Variants in LTBP2 observed in about 807,000 individuals in gnomAD.
LTBP2 encodes the protein latent-transforming growth factor beta-binding protein 2.
A neutral mutation model predicts 210.6 loss-of-function variants in LTBP2; 103 were observed. The observed-to-expected ratio is 0.49, with a 90% CI of 0.42 to 0.58. The LOEUF (loss-of-function observed/expected upper bound fraction) is 0.58, where lower values mean the gene tolerates loss of function less well. Among genes scored for constraint, LTBP2 ranks in the 20% least tolerant of loss-of-function variants. LTBP2 has a pLI of 0.00. For missense variants in LTBP2, 2,313 were observed against 2,494.5 expected (o/e 0.93, Z 1.55); for synonymous variants, 1,007 against 1,015.0 (o/e 0.99, Z 0.15).
At chr14:74,510,279 C>T in intron 19 of LTBP2, 66 bp from the exon 20 acceptor site, 5 of 1,601,964 alleles carry the variant, frequency 3.1e-6, no homozygotes, top group Non-Finnish European at 4.2e-6. Context: ...CGCTGGCAGG[C>T]TCCAAGCATC....
chr14:74,527,398 G>A (rs2087287514), intron 12 of LTBP2, 32 bp from the exon 13 acceptor site: 2 of 1,603,370 alleles, frequency 1.2e-6, no homozygotes, highest in South Asian at 1.1e-5. Context: ...GTGAGCTCAG[G>A]GAGGAGGGTC....
chr14:74,601,271 C>T (rs1335473422), intron 2 of LTBP2, among the ~76,000 whole-genome samples: 1 of 152,072 alleles, frequency 6.6e-6, no homozygotes, highest in Non-Finnish European at 1.5e-5. Context: ...AGGGGCTGGG[C>T]GTGGTGGCTC....
chr14:74,500,849 C>A lies in LTBP2; in HGVS notation c.*35G>T. ...AAGGCCCCTGCCTGTGACTGGAGGC[C>A]ATTTCCAGGTAGTTGCCACACTGAC... On this transcript the variant is annotated 3_prime_UTR_variant, in exon 36 of 36. Coordinates refer to ENST00000261978, the MANE Select transcript of LTBP2 (RefSeq NM_000428.3). 6.2e-7 allele frequency: 1 copy of A among 1,613,086 alleles called. No individual in the cohort carries two copies. Among genetic ancestry groups the A allele is most frequent in the Non-Finnish European group, 8.5e-7 (1 of 1,179,860 alleles).
chr14:74,532,556 G>A lies in LTBP2; in HGVS notation c.1865-8C>T. 1.9e-6 allele frequency: 3 copies of A among 1,613,952 alleles called. No individual in the cohort carries two copies. The highest frequency in any genetic ancestry group is 2.5e-6 in the Non-Finnish European group (3 of 1,179,934). On this transcript the variant is annotated splice_polypyrimidine_tract_variant and splice_region_variant and intron_variant, in intron 9 of 35. Transcript: ENST00000261978. ...TCAAGCACTCGTTGATATCTGCAGG[G>A]TTGGAGGAGATGACCAAGTGCCCGC...
chr14:74,596,595 C>T (rs531245097), intron 2 of LTBP2, among the ~76,000 whole-genome samples: 5 of 152,316 alleles, frequency 3.3e-5, no homozygotes, highest in South Asian at 2.1e-4. Flanking sequence ...GCAGGGAGAG[C>T]GGGCAGCAGG....
chr14:74,500,801 T>C lies in LTBP2; in HGVS notation c.*83A>G. ...ACCTCTGGCCTGATGTCACGGTGTC[T>C]TCCCAGCTAGGAAATCATCCTCAAG... is the stretch of plus-strand genomic sequence containing the variant. On this transcript the variant is annotated 3_prime_UTR_variant, in exon 36 of 36. Transcript: ENST00000261978. The C allele has an allele frequency of 6.3e-7, 1 of 1,580,586 alleles. No homozygotes were observed. The highest frequency in any genetic ancestry group is 8.7e-7 in the Non-Finnish European group (1 of 1,152,530).
At chr14:74,538,328 C>G (rs900996309) in intron 8 of LTBP2, among the ~76,000 whole-genome samples, 21 of 152,090 alleles carry the variant, frequency 1.4e-4, no homozygotes. Context: ...GGGGTCACAT[C>G]TGATAGGTCG....
Position 74,540,769 on chromosome 14 carries a change from A to AATATATATATATTATATATATATTT in LTBP2, c.1790-4770_1790-4769insAAATATATATATAATATATATATAT. ...AACAGAGCGAGACTCCATCTTAAAAAATATATATATATATTATATATATAT... is the reference window on the plus strand; with the variant it reads ...AACAGAGCGAGACTCCATCTTAAAAAATATATATATATTATATATATATTTATATATATATATATTATATATATAT... On this transcript the variant is annotated intron_variant, in intron 8 of 35. Transcript: ENST00000261978. Among the ~76,000 whole-genome samples the AATATATATATATTATATATATATTT allele has an allele frequency of 2.2e-5, 2 of 92,976 alleles. 1 individual carries two copies. Among genetic ancestry groups the AATATATATATATTATATATATATTT allele is most frequent in the Non-Finnish European group, 4.2e-5 (2 of 47,356 alleles). 61.0% of individuals were successfully genotyped at this position (92,976 alleles called of 152,430 possible).
rs1297683453 is a variant in LTBP2 at position 74,522,917 on chromosome 14, G to A, written c.2532C>T (p.Gly844=). ...TDVLVTLSTP[G]IDRCAAGATN... ...TGGCTCCAGCAGCGCATCTGTCAAT[G>A]CCTGTGGGAGACAGAGCAAAACAGA... The change falls in exon 16 of 36, where the codon GGC becomes GGT. Residue 844 remains glycine, a splice_region_variant and synonymous_variant. Transcript: ENST00000261978. The A allele has an allele frequency of 6.2e-7, 1 of 1,611,424 alleles. No individual in the cohort carries two copies. The highest frequency in any genetic ancestry group is 1.7e-4 in the Middle Eastern group (1 of 6,054).
At chr14:74,522,677 C>T in intron 16 of LTBP2, 113 bp downstream of exon 16, 1 of 1,303,314 alleles carries the variant, frequency 7.7e-7, no homozygotes, top group South Asian at 1.5e-5. Context: ...ACTCATCAAC[C>T]ACCCAGCACT....
intron 3 of LTBP2, among the ~76,000 whole-genome samples, chr14:74,580,974 T>G (rs2088129191): frequency 6.6e-6 from 1 of 151,882 alleles, no homozygotes; most frequent in Non-Finnish European, 1.5e-5. Flanking sequence ...ATAATAATAA[T>G]TCCAGGGCTC....
At chr14:74,531,730 T>C (rs537139115) in intron 10 of LTBP2, among the ~76,000 whole-genome samples, 46 of 152,296 alleles carry the variant, frequency 3.0e-4, no homozygotes, top group African/African-American at 1.0e-3. Flanking sequence ...CAGAGGCCAG[T>C]TGGGACTGGT....
intron 2 of LTBP2, among the ~76,000 whole-genome samples, chr14:74,587,548 C>T (rs1047178911): frequency 2.0e-5 from 3 of 151,452 alleles, no homozygotes; most frequent in Non-Finnish European, 4.4e-5. Context: ...GAGGCGAAGA[C>T]CAGGCTGTGG....
At chr14:74,512,571 G>A (rs565069135) in intron 18 of LTBP2, among the ~76,000 whole-genome samples, 24 of 152,308 alleles carry the variant, frequency 1.6e-4, no homozygotes, top group African/African-American at 5.8e-4. Context: ...CTCTGAGGTT[G>A]TTTGGCTTCC....
chr14:74,527,205 C>A, intron 13 of LTBP2, 142 bp downstream of exon 13: 1 of 1,076,426 alleles, frequency 9.3e-7, no homozygotes, highest in Non-Finnish European at 1.4e-6. Context: ...CCCACTTGGT[C>A]ATCTCTTCAA....
rs928560795 is a variant in LTBP2 at position 74,586,466 on chromosome 14, G to A, written c.566-348C>T. Reference sequence around the variant, plus strand: ...TCCCACCAGACTGGAAGCCCCCTGAGGACAGACAGCGGCCCCGGAACTTTG... The same window carrying A: ...TCCCACCAGACTGGAAGCCCCCTGAAGACAGACAGCGGCCCCGGAACTTTG... On this transcript the variant is annotated intron_variant, in intron 2 of 35. Transcript: ENST00000261978. The surrounding 1 kb of genome is among the most constrained non-coding windows in gnomAD (Gnocchi z 4.6). 1.3e-5 allele frequency among the ~76,000 whole-genome samples: 2 copies of A among 152,202 alleles called. No homozygotes were observed. Among genetic ancestry groups the A allele is most frequent in the Admixed American group, 1.3e-4 (2 of 15,274 alleles).
At position 74,503,491 on chromosome 14, in the gene LTBP2, G is replaced by A; in HGVS notation, c.4698C>T (p.Cys1566=). Residue 1566 remains cysteine, a synonymous_variant, in exon 32 of 36, where the codon TGC becomes TGT. Transcript: ENST00000261978. ...CACCCGTGCTGCTGGTGCTGTTCAT[G>A]CAGCGCTGCTGGCTGAGGTCCAGGG... The part of the protein sequence containing the change: ...PLTLDLSQQR[C]MNSTSSTEDL... The A allele has an allele frequency of 6.2e-7, 1 of 1,612,436 alleles. No individual in the cohort carries two copies. Among genetic ancestry groups the A allele is most frequent in the Non-Finnish European group, 8.5e-7 (1 of 1,179,630 alleles).
intron 2 of LTBP2, among the ~76,000 whole-genome samples, chr14:74,587,499 G>A (rs1329280812): frequency 1.3e-5 from 2 of 151,488 alleles, no homozygotes; most frequent in African/African-American, 4.9e-5. Flanking sequence ...CAAAGGAAGC[G>A]AACCCCCAAA....
At chr14:74,525,345 C>A in intron 14 of LTBP2, 120 bp from the exon 15 acceptor site, 1 of 442,690 alleles carries the variant, frequency 2.3e-6, no homozygotes, top group Non-Finnish European at 4.0e-6. Flanking sequence ...GGGTCACTCC[C>A]ATGCCTTCCA....
Sources: allele counts gnomAD v4.1 joint callset (sites outside exome capture counted in the v4.1 genomes callset), GRCh38; gene constraint gnomAD v4.1.1; non-coding constraint Gnocchi (gnomAD v3.1); transcripts MANE v1.5; gene names NCBI Gene and HGNC (gene_info 2026-07-23, HGNC 2026-07-21).